The following OR2L13 variants were observed in gnomAD, a reference collection of about 807,000 sequenced individuals.
OR2L13 encodes olfactory receptor family 2 subfamily L member 13.
A neutral mutation model predicts 15.3 loss-of-function variants in OR2L13; 14 were observed. The observed-to-expected ratio is 0.91, with a 90% CI of 0.60 to 1.43. The LOEUF (loss-of-function observed/expected upper bound fraction) is 1.43, where lower values mean the gene tolerates loss of function less well. Ranked by LOEUF, OR2L13 falls within the 40% of genes most tolerant of loss-of-function variation. The probability of loss-of-function intolerance (pLI) is 0.00; values close to 1 mark genes in which losing one functional copy is unlikely to be tolerated. For missense variants in OR2L13, 367 were observed against 387.9 expected, an observed-to-expected ratio of 0.95 and a Z score of 0.45; for synonymous variants, 152 against 142.9, an observed-to-expected ratio of 1.06 and a Z score of -0.45.
At chr1:248,097,716 G>A (rs752607602) in intron 1 of OR2L13, among the ~76,000 whole-genome samples, 3 of 152,182 alleles carry the variant, frequency 2.0e-5, no homozygotes, top group Non-Finnish European at 2.9e-5. Context: ...TTCAGGGCTC[G>A]GTATTGGATA....
At chr1:248,055,102 A>T in the OR2L13 span, among the ~76,000 whole-genome samples, 1 of 152,064 alleles carries the variant, frequency 6.6e-6, no homozygotes, top group Non-Finnish European at 1.5e-5. Context: ...TATTATTTTG[A>T]TGTATGTTCC....
the OR2L13 span, among the ~76,000 whole-genome samples, chr1:247,951,973 TTG>T: frequency 1.4e-3 from 207 of 149,504 alleles, no homozygotes; most frequent in Non-Finnish European, 2.2e-3. Flanking sequence ...GTGTGTGTGT[TTG>T]TGTGTGTGTG....
chr1:247,947,292 G>GTATTTAT, the OR2L13 span, among the ~76,000 whole-genome samples: 4 of 152,152 alleles, frequency 2.6e-5, no homozygotes, highest in Non-Finnish European at 5.9e-5. Flanking sequence ...TAAAGTCAGT[G>GTATTTAT]TATTTATGCA....
chr1:247,965,627 G>C, the OR2L13 span: 1 of 1,550,460 alleles, frequency 6.4e-7, no homozygotes, highest in Non-Finnish European at 8.7e-7. Flanking sequence ...ATGGCAGTCA[G>C]CTTCCTCTCA....
In OR2L13 at chr1:248,100,108, AC is replaced by A. The variant is rs762881436; in HGVS notation, c.734del (p.Thr245MetfsTer2). 20 of 1,613,914 alleles carry A rather than the reference AC, an allele frequency of 1.2e-5. No individual in the cohort carries two copies. Among genetic ancestry groups the A allele is most frequent in the Non-Finnish European group, 1.7e-5 (20 of 1,179,994 alleles). On this transcript the variant is annotated frameshift_variant, in exon 3 of 3. Transcript: ENST00000641714. LOFTEE classifies it high-confidence loss of function. ...CTTCACCACCATTTCAACACATTTA[AC>A]TGTAGTGATCTTTTACTATGCACCT...
At chr1:248,001,121 A>G in the OR2L13 span, among the ~76,000 whole-genome samples, 1 of 152,142 alleles carries the variant, frequency 6.6e-6, no homozygotes, top group South Asian at 2.1e-4. Context: ...ATATGCATAT[A>G]TGTATGTGTG....
At chr1:247,964,549 A>C in the OR2L13 span, among the ~76,000 whole-genome samples, 2 of 152,106 alleles carry the variant, frequency 1.3e-5, no homozygotes, top group Non-Finnish European at 2.9e-5. Context: ...AAAGTTTCAC[A>C]ATTCTGGTAT....
the OR2L13 span, chr1:247,990,541 T>C: frequency 6.4e-7 from 1 of 1,566,740 alleles, no homozygotes; most frequent in Non-Finnish European, 8.8e-7. Context: ...CAAGTCTATC[T>C]CCTTCACTGG....
chr1:247,982,015 C>T, the OR2L13 span, among the ~76,000 whole-genome samples: 573 of 152,202 alleles, frequency 3.8e-3, 5 homozygotes, highest in African/African-American at 0.012. Flanking sequence ...CGGGGTTTCA[C>T]CGTGTTAGCC....
the OR2L13 span, chr1:247,975,314 T>A: frequency 4.0e-6 from 2 of 495,534 alleles, no homozygotes; most frequent in Non-Finnish European, 7.9e-6. Flanking sequence ...GAGTGCACAG[T>A]GTTTTTGAGC....
the OR2L13 span, chr1:248,038,914 C>T: frequency 6.2e-7 from 1 of 1,614,098 alleles, no homozygotes; most frequent in Non-Finnish European, 8.5e-7. Flanking sequence ...ATTGCATGTT[C>T]CTATGGCCGG....
chr1:248,065,375 A>G, the OR2L13 span, among the ~76,000 whole-genome samples: 162 of 151,886 alleles, frequency 1.1e-3, no homozygotes, highest in African/African-American at 3.8e-3. Context: ...GGAAAGGGAC[A>G]TGAGTATTCA....
chr1:247,995,267 C>T, the OR2L13 span, among the ~76,000 whole-genome samples: 1 of 152,226 alleles, frequency 6.6e-6, no homozygotes, highest in East Asian at 1.9e-4. Context: ...CTTCCACTCT[C>T]ATAGATCCCA....
At chr1:247,970,357 A>G in the OR2L13 span, among the ~76,000 whole-genome samples, 1 of 152,132 alleles carries the variant, frequency 6.6e-6, no homozygotes, top group Non-Finnish European at 1.5e-5. Flanking sequence ...AAAACAAACA[A>G]ACAAAAAACA....
At chr1:248,036,983 C>T in the OR2L13 span, among the ~76,000 whole-genome samples, 4 of 152,030 alleles carry the variant, frequency 2.6e-5, no homozygotes, top group Admixed American at 6.5e-5. Context: ...ACATCGTATA[C>T]GGGGAGAGCT....
the OR2L13 span, among the ~76,000 whole-genome samples, chr1:248,057,166 A>T: frequency 6.6e-6 from 1 of 152,168 alleles, no homozygotes; most frequent in African/African-American, 2.4e-5. Flanking sequence ...CACATGATCT[A>T]GAGCTGAGTT....
chr1:248,071,321 T>C, the OR2L13 span, among the ~76,000 whole-genome samples: 2 of 151,650 alleles, frequency 1.3e-5, no homozygotes, highest in African/African-American at 4.9e-5. Flanking sequence ...GCTGCTTCAA[T>C]ATATGCAAAT....
chr1:248,071,202 A>G, the OR2L13 span, among the ~76,000 whole-genome samples: 1 of 152,226 alleles, frequency 6.6e-6, no homozygotes, highest in Non-Finnish European at 1.5e-5. Flanking sequence ...AATATCCCTG[A>G]TGAACATTGA....
the OR2L13 span, chr1:248,038,208 G>A: frequency 1.6e-6 from 2 of 1,231,526 alleles, no homozygotes; most frequent in South Asian, 2.8e-5. Flanking sequence ...GGATAAAAGT[G>A]AATTACTGTT....
Sources: allele counts gnomAD v4.1 joint callset (sites outside exome capture counted in the v4.1 genomes callset), GRCh38; gene constraint gnomAD v4.1.1; transcripts MANE v1.5; gene names NCBI Gene and HGNC (gene_info 2026-07-23, HGNC 2026-07-21).